The following FLOT2 variants were observed in gnomAD, a reference collection of about 807,000 sequenced individuals.
FLOT2 encodes flotillin 2.
In FLOT2, 35 loss-of-function variants were observed where a neutral mutation model predicts 54.9. The ratio of observed to expected loss-of-function variants is 0.64; its 90% confidence interval spans 0.49 to 0.84. The LOEUF (loss-of-function observed/expected upper bound fraction) is 0.84. Ranked by LOEUF, FLOT2 falls within the 40% of genes least tolerant of loss-of-function variation. The pLI is 0.00. For synonymous variants in FLOT2, 207 were observed against 228.9 expected (o/e 0.90, Z 0.86); for missense variants, 464 against 572.1 (o/e 0.81, Z 1.93).
In FLOT2 at chr17:28,883,088, A is replaced by G. The variant is rs1430972600; in HGVS notation, c.346+20T>C. 5.6e-6 allele frequency: 9 copies of G among 1,613,382 alleles called. No homozygotes were observed. In the Admixed American group the frequency reaches 1.0e-4, roughly 18 times the overall value. ...CTTAGGGGCCCCGTGAGGCTCCTCAAAGGCTGAACAGGGCCTCACCGAGGA... is the reference window on the plus strand; with the variant it reads ...CTTAGGGGCCCCGTGAGGCTCCTCAGAGGCTGAACAGGGCCTCACCGAGGA... On this transcript the variant is annotated intron_variant, in intron 4 of 10. Coordinates refer to ENST00000394908, the MANE Select transcript of FLOT2 (RefSeq NM_004475.3). The surrounding 1 kb of genome is among the most constrained non-coding windows in gnomAD (Gnocchi z 5.0).
chr17:28,886,061 G>C lies in FLOT2; in HGVS notation c.132-1746C>G. On this transcript the variant is annotated intron_variant, in intron 2 of 10. Coordinates refer to ENST00000394908, the MANE Select transcript of FLOT2 (RefSeq NM_004475.3). ...ACCGATGCCTGACGCCTGGGGGCGG[G>C]GGGGGGCATGCTGTCAGTAATCCAA... The C allele has an allele frequency of 1.4e-5, 9 of 628,960 alleles. 1 individual carries two copies. The highest frequency in any genetic ancestry group is 2.1e-5 in the Admixed American group (1 of 47,210). The allele number at this position is 628,960 out of a possible 1,614,324, so 39.0% of individuals were successfully genotyped here.
chr17:28,890,738 A>G (rs765050676), intron 1 of FLOT2, among the ~76,000 whole-genome samples: 22 of 152,190 alleles, frequency 1.4e-4, no homozygotes, highest in African/African-American at 5.1e-4. Context: ...ATTCCTCATC[A>G]AGTTCAAGGA....
Position 28,897,683 on chromosome 17 carries a change from G to C in FLOT2, c.-109C>G. On this transcript the variant is annotated 5_prime_UTR_variant, in exon 1 of 11. Transcript: ENST00000394908. The surrounding 1 kb of genome is among the most constrained non-coding windows in gnomAD (Gnocchi z 4.4). ...ATCCCGCCACCCCCAGCGGCCGGCC[G>C]CCCGCTCGCTCGCCCGCGCCCCTCT... is the stretch of plus-strand genomic sequence containing the variant. 4.9e-6 allele frequency: 5 copies of C among 1,019,934 alleles called. No homozygotes were observed. Among genetic ancestry groups the C allele is most frequent in the Non-Finnish European group, 6.4e-6 (5 of 782,642 alleles). 63.2% of individuals were successfully genotyped at this position (1,019,934 alleles called of 1,614,324 possible).
In FLOT2 at chr17:28,882,594, C is replaced by T. The variant is rs1446897727; in HGVS notation, c.444G>A (p.Glu148=). ...GTACCTTGATGGTGAAGCTGAGGAT[C>T]TCAATGCCCATGCGGCCAACATCAG... The part of the protein sequence containing the change: ...AAPDVGRMGI[E]ILSFTIKDVY... The change falls in exon 5 of 11, where the codon GAG becomes GAA. Residue 148 remains glutamate, a synonymous_variant. Coordinates refer to ENST00000394908, the MANE Select transcript of FLOT2 (RefSeq NM_004475.3). The surrounding 1 kb of genome is among the most constrained non-coding windows in gnomAD (Gnocchi z 5.6). 6.2e-7 allele frequency: 1 copy of T among 1,612,722 alleles called. No individual in the cohort carries two copies. Among genetic ancestry groups the T allele is most frequent in the South Asian group, 1.1e-5 (1 of 91,062 alleles).
chr17:28,886,087 C>G lies in FLOT2; in HGVS notation c.132-1772G>C, dbSNP rs768090167. ...GGGGGGCATGCTGTCAGTAATCCAA[C>G]CCCCCAACTGCCAGCTCAGCCGAGG... On this transcript the variant is annotated intron_variant, in intron 2 of 10. Coordinates refer to ENST00000394908, the MANE Select transcript of FLOT2 (RefSeq NM_004475.3). The G allele has an allele frequency of 3.8e-5, 13 of 339,352 alleles. 1 individual carries two copies. Among genetic ancestry groups the G allele is most frequent in the Non-Finnish European group, 7.5e-5 (13 of 172,580 alleles). The allele number at this position is 339,352 out of a possible 1,614,324, so 21.0% of individuals were successfully genotyped here.
In FLOT2 at chr17:28,881,883, A is replaced by G; in HGVS notation, c.845T>C (p.Leu282Pro). 6.2e-7 allele frequency: 1 copy of G among 1,613,690 alleles called. No individual in the cohort carries two copies. The highest frequency in any genetic ancestry group is 8.5e-7 in the Non-Finnish European group (1 of 1,180,036). The change falls in exon 8 of 11, where the codon CTC becomes CCC. Residue 282 changes from leucine to proline, a missense_variant. Leu to Pro is a moderately conservative substitution (Grantham distance 98). Transcript: ENST00000394908. ...GGCAGGCCGGCGCACTGTAGCGATG[A>G]GCTCCTTGTCCGTACGCAGGATCTC... is the stretch of plus-strand genomic sequence containing the variant. ...AQEILRTDKE[L>P]IATVRRPAEA...
In FLOT2 at chr17:28,884,409, C is replaced by T; in HGVS notation, c.132-94G>A. On this transcript the variant is annotated intron_variant, in intron 2 of 10. Transcript: ENST00000394908. This position sits in a 1 kb window ranked among gnomAD's most constrained non-coding sequence, Gnocchi z 5.1. ...CAGTACCTCACTGCTCCGGCTGGGT[C>T]CTGGTGAGGAAGGTGGAGGGAGGAC... The T allele has an allele frequency of 1.3e-6, 1 of 761,126 alleles. No homozygotes were observed. Among genetic ancestry groups the T allele is most frequent in the Non-Finnish European group, 2.2e-6 (1 of 453,964 alleles). The allele number at this position is 761,126 out of a possible 1,614,324, so 47.1% of individuals were successfully genotyped here.
chr17:28,884,695 C>A lies in FLOT2; in HGVS notation c.132-380G>T, dbSNP rs2039512203. Among the ~76,000 whole-genome samples the A allele has an allele frequency of 6.6e-6, 1 of 152,158 alleles. No homozygotes were observed. Among genetic ancestry groups the A allele is most frequent in the African/African-American group, 2.4e-5 (1 of 41,436 alleles). On this transcript the variant is annotated intron_variant, in intron 2 of 10. Transcript: ENST00000394908. The surrounding 1 kb of genome is among the most constrained non-coding windows in gnomAD (Gnocchi z 5.1). Reference sequence around the variant, plus strand: ...GGTCCTCCCGGCCCTGCTGTGCAGGCCATCCGTGGATGTCAACTGAGCCTC... The same window carrying A: ...GGTCCTCCCGGCCCTGCTGTGCAGGACATCCGTGGATGTCAACTGAGCCTC...
chr17:28,885,951 AG>A, intron 2 of FLOT2: 1 of 1,540,894 alleles, frequency 6.5e-7, no homozygotes, highest in Non-Finnish European at 8.8e-7. Flanking sequence ...AGACAGTCTG[AG>A]GAGCAGCCAG....
At chr17:28,887,115 C>T (rs192033656) in intron 2 of FLOT2, among the ~76,000 whole-genome samples, 51 of 152,120 alleles carry the variant, frequency 3.4e-4, no homozygotes, top group Admixed American at 1.7e-3. Context: ...GAGAGAGCCG[C>T]CCATATCAGG....
chr17:28,892,564 C>T (rs919730569), intron 1 of FLOT2: 1 of 151,960 alleles, frequency 6.6e-6, no homozygotes. Context: ...TGATCTCGAT[C>T]TCCTGACCTC....
Position 28,886,739 on chromosome 17 carries a change from C to T in FLOT2, c.131+2206G>A, listed in dbSNP as rs79228232. On this transcript the variant is annotated intron_variant, in intron 2 of 10. Transcript: ENST00000394908. The stretch of plus-strand genomic sequence containing the variant: ...GACAGTGTGGAAGGTTTCCCTAAAT[C>T]AGAGGAAGGAAGAGAGGACAGAGGC... Among the ~76,000 whole-genome samples the T allele has an allele frequency of 1.5e-3, 226 of 152,200 alleles. 1 individual carries two copies. The highest frequency in any genetic ancestry group is 5.2e-3 in the African/African-American group (217 of 41,518).
Position 28,882,291 on chromosome 17 carries a change from TC to T in FLOT2, c.579+45del. 6.2e-7 allele frequency: 1 copy of T among 1,613,956 alleles called. No homozygotes were observed. On this transcript the variant is annotated intron_variant, in intron 6 of 10. Transcript: ENST00000394908. This position sits in a 1 kb window ranked among gnomAD's most constrained non-coding sequence, Gnocchi z 5.6. ...GTGAGTGAGTAGAGGTCCTGAGTCA[TC>T]ATGGTCCCATCACCCCTGAGCTTCC...
intron 1 of FLOT2, among the ~76,000 whole-genome samples, chr17:28,891,163 G>A (rs1201213943): frequency 6.6e-6 from 1 of 152,226 alleles, no homozygotes; most frequent in Non-Finnish European, 1.5e-5. Context: ...TTACAGGCAT[G>A]AGCCGCCGCG....
At position 28,897,540 on chromosome 17, in the gene FLOT2, G is replaced by C; in HGVS notation, c.35C>G (p.Ala12Gly). 6.2e-7 allele frequency: 1 copy of C among 1,605,762 alleles called. No homozygotes were observed. Among genetic ancestry groups the C allele is most frequent in the Non-Finnish European group, 8.5e-7 (1 of 1,176,512 alleles). ...CGCCCCCTCACCTGAAACCACCAGC[G>C]CCTCGTTGGGCCCCACCGTGTGGCA... ...GNCHTVGPNE[A>G]LVVSGGCCGS... is the part of the protein sequence containing the mutation. Residue 12 changes from alanine to glycine, a missense_variant, in exon 1 of 11, where the codon GCG becomes GGG. By Grantham distance (60) the Ala-to-Gly change is moderately conservative. Coordinates refer to ENST00000394908, the MANE Select transcript of FLOT2 (RefSeq NM_004475.3). The surrounding 1 kb of genome is among the most constrained non-coding windows in gnomAD (Gnocchi z 4.4).
At position 28,897,589 on chromosome 17, in the gene FLOT2, G is replaced by A. The variant is rs1338061479; in HGVS notation, c.-15C>T. On this transcript the variant is annotated 5_prime_UTR_variant, in exon 1 of 11. Coordinates refer to ENST00000394908, the MANE Select transcript of FLOT2 (RefSeq NM_004475.3). The surrounding 1 kb of genome is among the most constrained non-coding windows in gnomAD (Gnocchi z 4.4). ...CAATTGCCCATGGCGCCGGCGGCAC[G>A]GAGGGCCCTCGGGACCGCACAGACC... The A allele has an allele frequency of 1.3e-6, 2 of 1,589,970 alleles. No homozygotes were observed. The highest frequency in any genetic ancestry group is 8.6e-7 in the Non-Finnish European group (1 of 1,168,966).
chr17:28,891,563 G>T (rs2039651206), intron 1 of FLOT2, among the ~76,000 whole-genome samples: 1 of 152,210 alleles, frequency 6.6e-6, no homozygotes, highest in Non-Finnish European at 1.5e-5. Flanking sequence ...TTTCTGTGAG[G>T]GTAGGAATGT....
Position 28,884,202 on chromosome 17 carries a change from G to T in FLOT2, c.222+23C>A. On this transcript the variant is annotated intron_variant, in intron 3 of 10. Transcript: ENST00000394908. This position sits in a 1 kb window ranked among gnomAD's most constrained non-coding sequence, Gnocchi z 5.1. ...GGACCAGGCAGCTCAACGGACATGCGCAGGGCTGCTGAGTTACTATACCTG... is the reference window on the plus strand; with the variant it reads ...GGACCAGGCAGCTCAACGGACATGCTCAGGGCTGCTGAGTTACTATACCTG... The T allele has an allele frequency of 1.3e-6, 2 of 1,564,596 alleles. No homozygotes were observed. The highest frequency in any genetic ancestry group is 1.8e-6 in the Non-Finnish European group (2 of 1,135,326).
At chr17:28,885,036 A>G (rs2039516616) in intron 2 of FLOT2, among the ~76,000 whole-genome samples, 2 of 152,192 alleles carry the variant, frequency 1.3e-5, no homozygotes, top group South Asian at 4.1e-4. Context: ...TGACTCCTCC[A>G]GGGTCCACAG....
Sources: gnomAD v4.1 joint callset for allele counts (sites outside exome capture counted in the v4.1 genomes callset) on GRCh38, gnomAD v4.1.1 for gene constraint, Gnocchi (gnomAD v3.1) non-coding constraint, MANE v1.5 for transcripts, NCBI Gene and HGNC (gene_info 2026-07-23, HGNC 2026-07-21) for gene names.